RALGAPA2: variants seen among roughly 807,000 people sequenced by gnomAD.
RALGAPA2 encodes the protein Ral GTPase activating protein catalytic subunit alpha 2.
In RALGAPA2, 139 loss-of-function variants were observed where a neutral mutation model predicts 230.4. That is an observed-to-expected ratio of 0.60 (90% CI 0.53 to 0.69). RALGAPA2 has a LOEUF of 0.69. Among genes scored for constraint, RALGAPA2 ranks in the 30% least tolerant of loss-of-function variants. RALGAPA2 has a pLI of 0.00. For synonymous variants in RALGAPA2, 847 were observed against 837.8 expected (o/e 1.01, Z -0.19); for missense variants, 2,163 against 2,276.0 (o/e 0.95, Z 1.01).
chr20:20,548,125 CCACACACACACA>C, intron 23 of RALGAPA2, among the ~76,000 whole-genome samples: 1 of 148,002 alleles, frequency 6.8e-6, no homozygotes, highest in East Asian at 2.0e-4. Flanking sequence ...AGCAAAATCT[CCACACACACACA>C]CACACACACA....
At chr20:20,403,671 G>C (rs1258470634) in intron 38 of RALGAPA2, among the ~76,000 whole-genome samples, 1 of 152,206 alleles carries the variant, frequency 6.6e-6, no homozygotes, top group East Asian at 1.9e-4. Context: ...GTGCTAACTG[G>C]AGTTGCGCTG....
At chr20:20,500,296 T>C (rs2062335993) in intron 35 of RALGAPA2, among the ~76,000 whole-genome samples, 1 of 152,220 alleles carries the variant, frequency 6.6e-6, no homozygotes, top group South Asian at 2.1e-4. Flanking sequence ...TGACAGCATT[T>C]TGCCCACAGT....
intron 3 of RALGAPA2, among the ~76,000 whole-genome samples, chr20:20,663,747 A>C (rs750098417): frequency 8.5e-5 from 13 of 152,086 alleles, no homozygotes; most frequent in Non-Finnish European, 1.6e-4. Context: ...GCACACCACA[A>C]CACCTAGCTA....
At chr20:20,695,287 TTGC>T (rs1300485521) in intron 1 of RALGAPA2, among the ~76,000 whole-genome samples, 3 of 152,184 alleles carry the variant, frequency 2.0e-5, no homozygotes, top group Admixed American at 2.0e-4. Flanking sequence ...TGGAGAAGCT[TTGC>T]TGTTTTTGTG....
rs1160459780 is a variant in RALGAPA2 at position 20,437,572 on chromosome 20, A to C, written c.5496-25424T>G. On this transcript the variant is annotated intron_variant, in intron 37 of 39. Transcript: ENST00000202677. This position sits in a 1 kb window ranked among gnomAD's most constrained non-coding sequence, Gnocchi z 4.1. ...CCCTGCTGTCACCTCTGTGGTGTGG[A>C]GCCCTTCCCACACTTCACACACACG... is the stretch of plus-strand genomic sequence containing the variant. 6.6e-6 allele frequency among the ~76,000 whole-genome samples: 1 copy of C among 152,048 alleles called. No homozygotes were observed. The highest frequency in any genetic ancestry group is 2.4e-5 in the African/African-American group (1 of 41,412).
At chr20:20,394,810 G>T (rs2059674091) in intron 39 of RALGAPA2, among the ~76,000 whole-genome samples, 1 of 123,848 alleles carries the variant, frequency 8.1e-6, no homozygotes, top group Non-Finnish European at 1.6e-5. Context: ...CAGCATGGGA[G>T]AACAGACTTG....
At chr20:20,683,519 A>G (rs1266663176) in intron 1 of RALGAPA2, among the ~76,000 whole-genome samples, 1 of 152,130 alleles carries the variant, frequency 6.6e-6, no homozygotes, top group Non-Finnish European at 1.5e-5. Flanking sequence ...TCCATTCCCC[A>G]AACTTCCCGA....
intron 27 of RALGAPA2, 91 bp from the exon 28 acceptor site, chr20:20,526,453 T>C (rs905971803): frequency 2.5e-6 from 2 of 805,634 alleles, no homozygotes; most frequent in East Asian, 2.8e-5. Flanking sequence ...CTCAGTTCCT[T>C]ATAGATTACA....
At chr20:20,546,461 G>A (rs2063776786) in intron 24 of RALGAPA2, among the ~76,000 whole-genome samples, 1 of 152,188 alleles carries the variant, frequency 6.6e-6, no homozygotes, top group African/African-American at 2.4e-5. Flanking sequence ...CTGTGTAAAT[G>A]TGCTGAAATA....
chr20:20,428,679 T>C (rs2060438580), intron 37 of RALGAPA2, among the ~76,000 whole-genome samples: 1 of 151,582 alleles, frequency 6.6e-6, no homozygotes, highest in South Asian at 2.1e-4. Flanking sequence ...TCATCTTCTC[T>C]CAATCCCTCA....
intron 35 of RALGAPA2, 84 bp from the exon 36 acceptor site, chr20:20,495,359 A>C (rs756194029): frequency 1.1e-5 from 13 of 1,223,806 alleles, no homozygotes; most frequent in East Asian, 2.7e-5. Flanking sequence ...GAATTATAAA[A>C]CTCAAAGGCC....
chr20:20,703,387 T>C (rs1050981129), intron 1 of RALGAPA2, among the ~76,000 whole-genome samples: 1 of 152,220 alleles, frequency 6.6e-6, no homozygotes, highest in African/African-American at 2.4e-5. Context: ...ATTCCTATTT[T>C]AACTTTATCA....
At chr20:20,707,636 T>C (rs1017446699) in intron 1 of RALGAPA2, among the ~76,000 whole-genome samples, 1 of 152,224 alleles carries the variant, frequency 6.6e-6, no homozygotes, top group Non-Finnish European at 1.5e-5. Context: ...GACAATGCTA[T>C]GTTTTGCTCT....
chr20:20,710,914 G>C (rs1031602888), intron 1 of RALGAPA2, among the ~76,000 whole-genome samples: 1 of 152,154 alleles, frequency 6.6e-6, no homozygotes, highest in Admixed American at 6.5e-5. Context: ...CCCTGCAGTA[G>C]GTGTTAATCA....
At chr20:20,539,447 C>T (rs1312113468) in intron 24 of RALGAPA2, among the ~76,000 whole-genome samples, 1 of 152,062 alleles carries the variant, frequency 6.6e-6, no homozygotes, top group Admixed American at 6.6e-5. Flanking sequence ...TTTTGGAAGG[C>T]TACTTTATTA....
At position 20,458,442 on chromosome 20, in the gene RALGAPA2, TACATATAATACATATGTATTTTATATA is replaced by T. The variant is rs1186752850; in HGVS notation, c.5495+14360_5495+14386del. ...TATAATATATATGTATTTTTTATAT[TACATATAATACATATGTATTTTATATA>T]ATATATAATATATATGTATTTTATA... On this transcript the variant is annotated intron_variant, in intron 37 of 39. Transcript: ENST00000202677. Among the ~76,000 whole-genome samples the T allele has an allele frequency of 1.4e-3, 185 of 130,022 alleles. 7 individuals carry two copies. Among genetic ancestry groups the T allele is most frequent in the African/African-American group, 5.6e-3 (176 of 31,222 alleles). 85.3% of individuals were successfully genotyped at this position (130,022 alleles called of 152,430 possible). A position where few individuals can be genotyped will look rare whatever the true frequency, so the allele number is the denominator to read the frequency against.
At chr20:20,458,760 A>ATATATATATACACC (rs1569417958) in intron 37 of RALGAPA2, among the ~76,000 whole-genome samples, 46 of 8,164 alleles carry the variant, frequency 5.6e-3, no homozygotes, top group African/African-American at 0.012. Context: ...ATACACACCT[A>ATATATATATACACC]TATATATATA....
intron 3 of RALGAPA2, among the ~76,000 whole-genome samples, chr20:20,673,137 A>G (rs1054642901): frequency 4.2e-4 from 64 of 152,180 alleles, no homozygotes; most frequent in African/African-American, 1.3e-3. Flanking sequence ...GTGAGCTGAG[A>G]TCGCACCACT....
intron 37 of RALGAPA2, among the ~76,000 whole-genome samples, chr20:20,453,124 T>A (rs746871847): frequency 2.0e-5 from 3 of 152,206 alleles, no homozygotes; most frequent in Admixed American, 1.3e-4. Context: ...TAAAATAGGA[T>A]CATAATTGTG....
Sources: gnomAD v4.1 joint callset for allele counts (sites outside exome capture counted in the v4.1 genomes callset) on GRCh38, gnomAD v4.1.1 for gene constraint, Gnocchi (gnomAD v3.1) non-coding constraint, MANE v1.5 for transcripts, NCBI Gene and HGNC (gene_info 2026-07-23, HGNC 2026-07-21) for gene names.